MIA3: variants seen among roughly 807,000 people sequenced by gnomAD.
The protein encoded by MIA3 is MIA SH3 domain ER export factor 3, also known as transport and Golgi organization protein 1 homolog.
In MIA3, 90 loss-of-function variants were observed where a neutral mutation model predicts 192.4. The observed-to-expected ratio is 0.47, with a 90% confidence interval of 0.39 to 0.56. MIA3 has a LOEUF of 0.56. Ranked by LOEUF, MIA3 falls within the 20% of genes least tolerant of loss-of-function variation. The pLI, the probability that MIA3 is intolerant of heterozygous loss-of-function variation, is 0.00. For missense variants in MIA3, 2,123 were observed against 2,269.4 expected (o/e 0.94, Z 1.31); for synonymous variants, 740 against 792.8 (o/e 0.93, Z 1.12).
rs779433078 is a variant in MIA3, at chr1:222,665,393, G to A, written c.5498G>A (p.Arg1833Gln). 66 of 1,613,614 alleles carry A rather than the reference G, an allele frequency of 4.1e-5. No homozygotes were observed. Among genetic ancestry groups the A allele is most frequent in the Non-Finnish European group, 4.7e-5 (56 of 1,179,896 alleles). ...PGRRDLPLHPRGFLPGHAPFR... is the reference protein window; with the variant it reads ...PGRRDLPLHPQGFLPGHAPFR... The stretch of plus-strand genomic sequence containing the variant: ...AGACGGGACCTGCCTCTCCACCCTC[G>A]GGGATTTTTACCTGGACACGCACCA... The change falls in exon 28 of 28, where the codon CGG (arginine) becomes CAG (glutamine). Residue 1833 changes from arginine to glutamine, a missense_variant. By Grantham distance (43) the Arg-to-Gln change is conservative (BLOSUM62 1). Transcript: ENST00000344922.
chr1:222,633,294 C>G, intron 6 of MIA3, 45 bp downstream of exon 6: 1 of 1,489,056 alleles, frequency 6.7e-7, no homozygotes, highest in South Asian at 1.2e-5. Flanking sequence ...TTGATTATTA[C>G]AGTTTTTAAG....
Position 222,664,160 on chromosome 1 carries a change from T to C in MIA3, c.5413+12T>C, listed in dbSNP as rs549037684. On this transcript the variant is annotated intron_variant, in intron 27 of 27. Transcript: ENST00000344922. ...TCCTCCACCCTTTGGTAAGATGATCTGAACAGTAGTAATTGACTTGTAAAG... is the reference window on the plus strand; with the variant it reads ...TCCTCCACCCTTTGGTAAGATGATCCGAACAGTAGTAATTGACTTGTAAAG... 3.1e-6 allele frequency: 5 copies of C among 1,613,858 alleles called. No homozygotes were observed. The Admixed American group carries it at 8.3e-5, about 27-fold the overall frequency.
At chr1:222,653,673 C>CT (rs1424772610) in intron 15 of MIA3, among the ~76,000 whole-genome samples, 1 of 152,160 alleles carries the variant, frequency 6.6e-6, no homozygotes, top group Non-Finnish European at 1.5e-5. Flanking sequence ...AACTTGTCAT[C>CT]TCAGTAGCTG....
Position 222,630,392 on chromosome 1 carries a change from G to A in MIA3, c.3169+3G>A. 6.3e-7 allele frequency: 1 copy of A among 1,594,454 alleles called. No individual in the cohort carries two copies. Among genetic ancestry groups the A allele is most frequent in the Non-Finnish European group, 8.5e-7 (1 of 1,170,868 alleles). On this transcript the variant is annotated splice_donor_region_variant and intron_variant, in intron 4 of 27. Transcript: ENST00000344922. ...AGGCTTGGGTGGAGCAATGGAAGGTGAGATGCCTATGGCCTTGTAGAACAG... is the reference window on the plus strand; with the variant it reads ...AGGCTTGGGTGGAGCAATGGAAGGTAAGATGCCTATGGCCTTGTAGAACAG...
rs752486074 is a variant in MIA3, at chr1:222,645,522, TCATTATTTCTAA to T, written c.3478-15_3478-4del. 5.5e-5 allele frequency: 86 copies of T among 1,556,878 alleles called. No individual in the cohort carries two copies. Among genetic ancestry groups the T allele is most frequent in the Non-Finnish European group, 6.6e-5 (76 of 1,148,560 alleles). ...TTATGGTAAGCTTCTTTAAGGTTTC[TCATTATTTCTAA>T]CATTATTTCTAACATTCAGCTAGTT... On this transcript the variant is annotated intron_variant, in intron 6 of 27. Transcript: ENST00000344922.
intron 9 of MIA3, 104 bp downstream of exon 9, chr1:222,650,484 T>G (rs1434836506): frequency 2.4e-6 from 2 of 817,130 alleles, no homozygotes; most frequent in Non-Finnish European, 3.9e-6. Context: ...TAGTATTTAT[T>G]ATTACATTAA....
At chr1:222,637,063 T>A (rs150335871) in intron 6 of MIA3, among the ~76,000 whole-genome samples, 1 of 152,190 alleles carries the variant, frequency 6.6e-6, no homozygotes, top group Admixed American at 6.5e-5. Context: ...TTTTTAAATA[T>A]CTTTTGTTTA....
chr1:222,656,562 T>C (rs946721207), intron 18 of MIA3, among the ~76,000 whole-genome samples: 1 of 152,162 alleles, frequency 6.6e-6, no homozygotes, highest in Non-Finnish European at 1.5e-5. Flanking sequence ...TGCCTACATG[T>C]AGGGTTTTGT....
At chr1:222,633,008 CACAGTGCCTAA>C in intron 5 of MIA3, 85 bp from the exon 6 acceptor site, 1 of 1,243,962 alleles carries the variant, frequency 8.0e-7, no homozygotes, top group Non-Finnish European at 1.1e-6. Context: ...ACTTTCCAGG[CACAGTGCCTAA>C]TATTTAGTGG....
In MIA3 at chr1:222,619,942, T is replaced by C. The variant is rs972840154; in HGVS notation, c.134-1217T>C. On this transcript the variant is annotated intron_variant, in intron 1 of 27. Transcript: ENST00000344922. The stretch of plus-strand genomic sequence containing the variant: ...TGCATTTTGTTGGCATCTCAAATAT[T>C]ATTATAAATCCTCTATGATCTATTG... Among the ~76,000 whole-genome samples, 19 of 152,332 alleles carry C rather than the reference T, an allele frequency of 1.2e-4. 1 individual carries two copies. The East Asian group carries it at 3.5e-3, about 28-fold the overall frequency.
chr1:222,654,422 C>T lies in MIA3; in HGVS notation c.4411C>T (p.Leu1471=). 2 of 1,613,832 alleles carry T rather than the reference C, an allele frequency of 1.2e-6. No individual in the cohort carries two copies. The highest frequency in any genetic ancestry group is 1.1e-5 in the South Asian group (1 of 91,078). Residue 1471 remains leucine (L), a synonymous_variant, in exon 17 of 28, where the codon CTA becomes TTA. Transcript: ENST00000344922. ...QTAISVVEED[L]KLLQLKLRAS... ...TGCAATATCGGTAGTTGAAGAGGATCTAAAGCTTTTACAGCTTAAGCTAAG... is the reference window on the plus strand; with the variant it reads ...TGCAATATCGGTAGTTGAAGAGGATTTAAAGCTTTTACAGCTTAAGCTAAG...
chr1:222,666,746 A>T lies in MIA3; in HGVS notation c.*1127A>T, dbSNP rs936450866. ...CCAAAATTAATATTAATTAATATTT[A>T]AACGTTGGTGTTTTTATTTAAAAAT... On this transcript the variant is annotated 3_prime_UTR_variant, in exon 28 of 28. Coordinates refer to ENST00000344922, the MANE Select transcript of MIA3 (RefSeq NM_198551.4). 6.6e-6 allele frequency: 1 copy of T among 152,252 alleles called. No homozygotes were observed. The highest frequency in any genetic ancestry group is 1.9e-4 in the East Asian group (1 of 5,192). 9.4% of individuals were successfully genotyped at this position (152,252 alleles called of 1,614,324 possible). A position where few individuals can be genotyped will look rare whatever the true frequency, so the allele number is the denominator to read the frequency against.
chr1:222,649,170 T>C (rs1409887016), intron 8 of MIA3: 1 of 188,002 alleles, frequency 5.3e-6, no homozygotes, highest in African/African-American at 2.3e-5. Flanking sequence ...GTCAGTACAT[T>C]AAATATTTAT....
At chr1:222,645,879 G>A (rs1909197) in intron 7 of MIA3, 194 bp downstream of exon 7, 358,381 of 468,472 alleles carry the variant, frequency 0.77, 138,483 homozygotes, top group Non-Finnish European at 0.81. Flanking sequence ...TATAATCTCA[G>A]TGGGAAAACT....
intron 6 of MIA3, chr1:222,644,506 A>G: frequency 6.4e-7 from 1 of 1,550,572 alleles, no homozygotes; most frequent in Non-Finnish European, 8.7e-7. Context: ...TGTGCCTTCT[A>G]TCGCCGCTAC....
intron 13 of MIA3, 87 bp from the exon 14 acceptor site, chr1:222,652,921 C>G: frequency 6.9e-7 from 1 of 1,450,552 alleles, no homozygotes; most frequent in African/African-American, 1.4e-5. Context: ...AGGCATGGTT[C>G]CTTATTTACC....
At chr1:222,662,828 T>A (rs1664092798) in intron 26 of MIA3, 1 of 161,242 alleles carries the variant, frequency 6.2e-6, no homozygotes, top group African/African-American at 2.4e-5. Context: ...AGTGTGCTAT[T>A]TAAGAATACC....
intron 3 of MIA3, among the ~76,000 whole-genome samples, chr1:222,626,626 A>G (rs1388158995): frequency 6.6e-6 from 1 of 152,206 alleles, no homozygotes; most frequent in Non-Finnish European, 1.5e-5. Context: ...AGCAGATCTT[A>G]GTGACTGGCT....
Position 222,654,678 on chromosome 1 carries a change from G to C in MIA3, c.4492G>C (p.Asp1498His). 6.2e-7 allele frequency: 1 copy of C among 1,614,026 alleles called. No homozygotes were observed. The highest frequency in any genetic ancestry group is 8.5e-7 in the Non-Finnish European group (1 of 1,179,988). Reference protein sequence around the residue: ...LEDQVKKLEDDRNSLQAAKAG... With the variant: ...LEDQVKKLEDHRNSLQAAKAG... ...AGACCAGGTAAAGAAATTGGAAGAT[G>C]ACCGCAACTCACTACAAGCTGCCAA... Residue 1498 changes from aspartate to histidine, a missense_variant, in exon 18 of 28, where the codon GAC (aspartate) becomes CAC (histidine). By Grantham distance (81) the Asp-to-His change is moderately conservative. Around this residue, in one of 3 missense-constraint regions of MIA3, gnomAD observed 762 missense variants for 856.4 expected, o/e 0.89. Transcript: ENST00000344922.
Sources: gnomAD v4.1 joint callset for allele counts (sites outside exome capture counted in the v4.1 genomes callset) on GRCh38, gnomAD v4.1.1 for gene constraint, gnomAD v4.1.1 regional missense constraint, MANE v1.5 for transcripts, NCBI Gene and HGNC (gene_info 2026-07-23, HGNC 2026-07-21) for gene names.